Variants in KLHL13 observed in about 807,000 individuals in gnomAD.
The protein encoded by KLHL13 is kelch like family member 13.
Under a neutral mutation model 37.1 loss-of-function variants are expected in KLHL13, and 10 were observed. The observed-to-expected ratio is 0.27, with a 90% confidence interval of 0.17 to 0.46. KLHL13 has a LOEUF of 0.46. KLHL13 is among the 20% of genes least tolerant of loss of function. The probability of loss-of-function intolerance (pLI) is 1.00; values close to 1 mark genes in which losing one functional copy is unlikely to be tolerated. For missense variants in KLHL13, 360 were observed against 509.3 expected (o/e 0.71, Z 2.82); for synonymous variants, 163 against 181.2 (o/e 0.90, Z 0.81).
intron 1 of KLHL13, among the ~76,000 whole-genome samples, chrX:117,958,015 A>C (rs754321122): frequency 5.4e-5 from 6 of 111,864 alleles, no homozygotes; most frequent in African/African-American, 1.9e-4. Context: ...CTTCTAGTAA[A>C]ATTACTTTCA....
intron 2 of KLHL13, among the ~76,000 whole-genome samples, chrX:117,926,713 A>C (rs1932039704): frequency 9.2e-6 from 1 of 108,672 alleles, no homozygotes; most frequent in Non-Finnish European, 1.9e-5. Flanking sequence ...AGATGAATTA[A>C]GAAAGAAAAT....
chrX:118,101,973 T>C (rs1463051316), intron 1 of KLHL13, among the ~76,000 whole-genome samples: 1 of 111,907 alleles, frequency 8.9e-6, no homozygotes, highest in Non-Finnish European at 1.9e-5. Context: ...TATTTCTTTA[T>C]AGTAGTGTGA....
At chrX:118,079,212 G>A (rs149784493) in intron 1 of KLHL13, among the ~76,000 whole-genome samples, 8,115 of 109,965 alleles carry the variant, frequency 0.074, 253 homozygotes, top group Middle Eastern at 0.12. Flanking sequence ...TCCGAGAAGC[G>A]TAAGAAAAGA....
At chrX:117,977,627 A>T (rs1365552817), upstream of KLHL13, among the ~76,000 whole-genome samples, 2 of 112,182 alleles carry the variant, frequency 1.8e-5, no homozygotes, top group Non-Finnish European at 3.8e-5. Flanking sequence ...TAATCTTTTC[A>T]GTTCTGAAAT....
chrX:118,036,201 T>A (rs2054437929), intron 1 of KLHL13, among the ~76,000 whole-genome samples: 2 of 106,102 alleles, frequency 1.9e-5, no homozygotes, highest in African/African-American at 7.0e-5. Context: ...GCCATCCCCA[T>A]CAAGCTACCA....
chrX:118,081,940 T>TTGTGTGTGTG (rs762989393), intron 1 of KLHL13, among the ~76,000 whole-genome samples: 36 of 97,698 alleles, frequency 3.7e-4, no homozygotes, highest in African/African-American at 8.6e-4. Context: ...TAGTATTCCA[T>TTGTGTGTGTG]TGTGTGTGTG....
chrX:118,091,910 C>T (rs2055140520), intron 1 of KLHL13, among the ~76,000 whole-genome samples: 1 of 112,070 alleles, frequency 8.9e-6, no homozygotes, highest in Non-Finnish European at 1.9e-5. Flanking sequence ...ATAAAGGTAG[C>T]ATCATTATAT....
intron 1 of KLHL13, among the ~76,000 whole-genome samples, chrX:117,965,143 G>T (rs1251863659): frequency 1.8e-5 from 2 of 111,636 alleles, no homozygotes; most frequent in Non-Finnish European, 3.8e-5. Flanking sequence ...TCTAGTTCTA[G>T]ATCCCTGAGG....
At chrX:117,911,881 A>G (rs188328107) in intron 4 of KLHL13, among the ~76,000 whole-genome samples, 2 of 112,138 alleles carry the variant, frequency 1.8e-5, no homozygotes, top group Non-Finnish European at 3.8e-5. Flanking sequence ...TATTTTACTT[A>G]GTAGCTACAT....
chrX:117,996,334 A>C (rs2053853315), intron 1 of KLHL13, among the ~76,000 whole-genome samples: 1 of 111,942 alleles, frequency 8.9e-6, no homozygotes, highest in African/African-American at 3.2e-5. Context: ...GTTTGTCTAA[A>C]GCTACATGAC....
chrX:118,023,382 A>T (rs1380299947), intron 1 of KLHL13, among the ~76,000 whole-genome samples: 1 of 110,464 alleles, frequency 9.1e-6, no homozygotes, highest in Non-Finnish European at 1.9e-5. Context: ...TTTAAGTTTT[A>T]GGGTACATGT....
chrX:117,973,621 C>T (rs946077159), exon 1 of KLHL13: 2 of 872,444 alleles, frequency 2.3e-6, no homozygotes, highest in Admixed American at 5.6e-5. Flanking sequence ...CTCTCCTTTC[C>T]CTATTCTTAT....
intron 1 of KLHL13, among the ~76,000 whole-genome samples, chrX:118,068,901 C>T (rs1373508944): frequency 1.8e-5 from 2 of 110,734 alleles, no homozygotes; most frequent in African/African-American, 6.6e-5. Context: ...AACTGCTCCA[C>T]CCACTCCTTC....
chrX:117,975,035 C>T (rs1225203699), upstream of KLHL13, among the ~76,000 whole-genome samples: 1 of 111,112 alleles, frequency 9.0e-6, no homozygotes, highest in African/African-American at 3.3e-5. Flanking sequence ...TTTTTTTAAC[C>T]TGCCATTAAT....
chrX:117,901,820 G>A lies in KLHL13; in HGVS notation c.1480+13C>T. 1 of 879,376 alleles carries A rather than the reference G, an allele frequency of 1.1e-6. No individual in the cohort carries two copies. Among genetic ancestry groups the A allele is most frequent in the Non-Finnish European group, 1.7e-6 (1 of 600,598 alleles). 72.5% of individuals were successfully genotyped at this position (879,376 alleles called of 1,213,427 possible). A position where few individuals can be genotyped will look rare whatever the true frequency, so the allele number is the denominator to read the frequency against. On this transcript the variant is annotated intron_variant, in intron 6 of 6. Coordinates refer to ENST00000262820, the Ensembl canonical transcript of KLHL13. ...CTTATATATTATATTGTGTTCACATGATACTTGTTTACCTGAAATATACAT... is the reference window on the plus strand; with the variant it reads ...CTTATATATTATATTGTGTTCACATAATACTTGTTTACCTGAAATATACAT...
At chrX:117,935,689 C>T (rs2147765926) in intron 2 of KLHL13, among the ~76,000 whole-genome samples, 1 of 110,920 alleles carries the variant, frequency 9.0e-6, no homozygotes, top group African/African-American at 3.3e-5. Flanking sequence ...AGAACTCACT[C>T]ACTATCACGA....
At chrX:117,995,661 C>T (rs2053846702) in intron 1 of KLHL13, among the ~76,000 whole-genome samples, 1 of 111,228 alleles carries the variant, frequency 9.0e-6, no homozygotes, top group Non-Finnish European at 1.9e-5. Flanking sequence ...GCTCCCCATT[C>T]TCTCCTCCCT....
chrX:118,013,779 G>A lies in KLHL13; in HGVS notation c.-55-68204C>T, dbSNP rs74546033. Among the ~76,000 whole-genome samples, 409 of 112,514 alleles carry A rather than the reference G, an allele frequency of 3.6e-3. 4 individuals are homozygous for A. Among genetic ancestry groups the A allele is most frequent in the African/African-American group, 0.013 (391 of 31,040 alleles). ...CCGAACGGAGAGACCGGCTGGAGCC[G>A]AGGCAGAACATAAATTGTGAAGATT... is the stretch of plus-strand genomic sequence containing the variant. On this transcript the variant is annotated intron_variant, in intron 1 of 6. Coordinates refer to the KLHL13 transcript ENST00000371882.
At chrX:117,982,549 CT>C (rs755180016) in intron 1 of KLHL13, among the ~76,000 whole-genome samples, 315 of 111,667 alleles carry the variant, frequency 2.8e-3, no homozygotes, top group African/African-American at 9.6e-3. Flanking sequence ...AAAAGTGGTT[CT>C]TTTCTCTATG....
Sources: gnomAD v4.1 joint callset for allele counts (sites outside exome capture counted in the v4.1 genomes callset) on GRCh38, gnomAD v4.1.1 for gene constraint, MANE v1.5 for transcripts, NCBI Gene and HGNC (gene_info 2026-07-23, HGNC 2026-07-21) for gene names.